COP1: variants seen among roughly 807,000 people sequenced by gnomAD.
COP1 encodes COP1 E3 ubiquitin ligase.
COP1 carries 24 observed loss-of-function variants against 101.3 expected under a neutral mutation model. That is an observed-to-expected ratio of 0.24 (90% CI 0.17 to 0.33). The LOEUF is 0.33. COP1 is among the 10% of genes least tolerant of loss of function. COP1 has a pLI of 1.00. For synonymous variants in COP1, 347 were observed against 341.9 expected (o/e 1.01, Z -0.17); for missense variants, 663 against 906.2 (o/e 0.73, Z 3.45).
At chr1:175,988,169 A>C in intron 17 of COP1, 119 bp downstream of exon 17, 2 of 914,094 alleles carry the variant, frequency 2.2e-6, no homozygotes, top group Non-Finnish European at 1.6e-6. Flanking sequence ...CATGTCTATT[A>C]TACTATCTTC....
chr1:176,046,346 T>C (rs1671514832), intron 11 of COP1, 22 bp from the exon 12 acceptor site: 1 of 1,597,704 alleles, frequency 6.3e-7, no homozygotes, highest in Non-Finnish European at 8.5e-7. Context: ...AAGTATGTAA[T>C]GACAACATTT....
chr1:176,046,087 A>G, intron 12 of COP1, 94 bp downstream of exon 12: 1 of 954,666 alleles, frequency 1.0e-6, no homozygotes, highest in Non-Finnish European at 1.6e-6. Flanking sequence ...CCATGAGTAA[A>G]AAGTGTCATG....
intron 3 of COP1, among the ~76,000 whole-genome samples, chr1:176,165,268 A>C (rs1694915280): frequency 6.6e-6 from 1 of 152,166 alleles, no homozygotes; most frequent in African/African-American, 2.4e-5. Flanking sequence ...AGAAGGCAAC[A>C]TTAGAAATGG....
chr1:176,071,258 G>A (rs1676955684), intron 11 of COP1, among the ~76,000 whole-genome samples: 1 of 151,968 alleles, frequency 6.6e-6, no homozygotes, highest in Non-Finnish European at 1.5e-5. Context: ...CTTTAGCTAT[G>A]TGACTTGCCT....
At chr1:176,125,923 T>C (rs572573185) in intron 8 of COP1, among the ~76,000 whole-genome samples, 1 of 152,328 alleles carries the variant, frequency 6.6e-6, no homozygotes, top group African/African-American at 2.4e-5. Context: ...TAGTTTTCAT[T>C]ATAGATATCT....
chr1:176,179,830 C>T (rs989647098), intron 2 of COP1, among the ~76,000 whole-genome samples: 2 of 150,328 alleles, frequency 1.3e-5, no homozygotes, highest in African/African-American at 2.5e-5. Flanking sequence ...TCTTATTCCA[C>T]ATCAATAGGC....
intron 2 of COP1, among the ~76,000 whole-genome samples, chr1:176,177,522 C>T (rs962181854): frequency 1.3e-5 from 2 of 151,878 alleles, no homozygotes; most frequent in Non-Finnish European, 2.9e-5. Flanking sequence ...GTATTTGTTT[C>T]TGGGTCATAT....
chr1:176,009,468 A>G (rs1401049374), intron 15 of COP1, among the ~76,000 whole-genome samples: 1 of 152,226 alleles, frequency 6.6e-6, no homozygotes, highest in Non-Finnish European at 1.5e-5. Flanking sequence ...TGTGAAAGGC[A>G]TATAAGTAAA....
At chr1:176,019,383 A>C (rs1184222767) in intron 15 of COP1, among the ~76,000 whole-genome samples, 1 of 150,964 alleles carries the variant, frequency 6.6e-6, no homozygotes, top group East Asian at 1.9e-4. Context: ...GAATCACTTG[A>C]ACCTGGGAGG....
intron 15 of COP1, among the ~76,000 whole-genome samples, chr1:175,991,095 T>C (rs1200388701): frequency 1.3e-5 from 2 of 152,052 alleles, no homozygotes; most frequent in African/African-American, 4.8e-5. Flanking sequence ...AGATTTTGGA[T>C]TTGAGATGCT....
In COP1 at chr1:176,163,734, C is replaced by CT. The variant is rs983676658; in HGVS notation, c.642+80dup. 5.7e-6 allele frequency: 5 copies of CT among 871,040 alleles called. No individual in the cohort carries two copies. In the Admixed American group the frequency reaches 8.0e-5, roughly 14 times the overall value. The allele number at this position is 871,040 out of a possible 1,614,324, so 54.0% of individuals were successfully genotyped here. On this transcript the variant is annotated intron_variant, in intron 4 of 19. Coordinates refer to ENST00000367669, the MANE Select transcript of COP1 (RefSeq NM_022457.7). ...TAAGAAAAATCAATAATATACTAAA[C>CT]TTTAACATCTAACTAATATTAAACC...
intron 14 of COP1, among the ~76,000 whole-genome samples, chr1:176,032,333 A>G (rs1668774835): frequency 6.6e-6 from 1 of 152,232 alleles, no homozygotes; most frequent in South Asian, 2.1e-4. Context: ...GTAAACTTTA[A>G]TACTGTTTAC....
At chr1:176,153,438 T>G (rs1488058919) in intron 5 of COP1, among the ~76,000 whole-genome samples, 1 of 152,228 alleles carries the variant, frequency 6.6e-6, no homozygotes, top group Non-Finnish European at 1.5e-5. Context: ...ACATTGATTT[T>G]GTATTCTGAG....
chr1:176,183,333 G>A lies in COP1; in HGVS notation c.467+1300C>T, dbSNP rs1391847055. On this transcript the variant is annotated intron_variant, in intron 2 of 19. Coordinates refer to ENST00000367669, the MANE Select transcript of COP1 (RefSeq NM_022457.7). ...AATATAAGGAGTATTAGAACACAAG[G>A]TATACTAAGGCTAAAATAATATGCC... Among the ~76,000 whole-genome samples the A allele has an allele frequency of 2.0e-5, 3 of 152,078 alleles. 1 individual carries two copies. Among genetic ancestry groups the A allele is most frequent in the Non-Finnish European group, 4.4e-5 (3 of 67,996 alleles).
chr1:176,011,023 T>G (rs796469167), intron 15 of COP1, among the ~76,000 whole-genome samples: 1 of 152,202 alleles, frequency 6.6e-6, no homozygotes, highest in Non-Finnish European at 1.5e-5. Flanking sequence ...AAGAGAACTT[T>G]AATCTTTCTT....
At chr1:176,190,696 A>G (rs1287468278) in intron 1 of COP1, among the ~76,000 whole-genome samples, 1 of 151,978 alleles carries the variant, frequency 6.6e-6, no homozygotes, top group Non-Finnish European at 1.5e-5. Context: ...TTTTATATGC[A>G]TTATTTCCTT....
At chr1:176,126,046 GA>G (rs1409839522) in intron 8 of COP1, among the ~76,000 whole-genome samples, 1 of 152,122 alleles carries the variant, frequency 6.6e-6, no homozygotes, top group African/African-American at 2.4e-5. Flanking sequence ...ACATGCTACT[GA>G]TTTTTTGTAT....
intron 15 of COP1, among the ~76,000 whole-genome samples, chr1:176,016,073 G>A (rs565898827): frequency 6.6e-6 from 1 of 152,260 alleles, no homozygotes; most frequent in Non-Finnish European, 1.5e-5. Context: ...GAAAAATTGA[G>A]TTCTGGATGT....
Position 176,206,686 on chromosome 1 carries a change from C to G in COP1, c.293G>C (p.Gly98Ala), listed in dbSNP as rs1312718253. The G allele has an allele frequency of 6.2e-7, 1 of 1,607,420 alleles. No homozygotes were observed. The highest frequency in any genetic ancestry group is 8.5e-7 in the Non-Finnish European group (1 of 1,179,640). ...TAGGCTGGAGCTGCTGCCTCCTACG[C>G]CGGCGCTGGGCCTGGCCGCGCAGCT... is the stretch of plus-strand genomic sequence containing the variant. ...RHSCAARPSA[G>A]VGGSSSSLGS... is the part of the protein sequence containing the mutation. Residue 98 changes from glycine (G) to alanine (A), a missense_variant, in exon 1 of 20, where the codon GGC becomes GCC. Coordinates refer to ENST00000367669, the MANE Select transcript of COP1 (RefSeq NM_022457.7).
Sources: allele counts gnomAD v4.1 joint callset (sites outside exome capture counted in the v4.1 genomes callset), GRCh38; gene constraint gnomAD v4.1.1; transcripts MANE v1.5; gene names NCBI Gene and HGNC (gene_info 2026-07-23, HGNC 2026-07-21).